The following PCSK5 variants were observed in gnomAD, a reference collection of about 807,000 sequenced individuals.
The protein encoded by PCSK5 is prohormone convertase 5.
PCSK5 carries 129 observed loss-of-function variants against 233.2 expected under a neutral mutation model. The ratio of observed to expected loss-of-function variants is 0.55; its 90% CI spans 0.48 to 0.64. The LOEUF (loss-of-function observed/expected upper bound fraction) is 0.64. Ranked by LOEUF, PCSK5 falls within the 30% of genes least tolerant of loss-of-function variation. The pLI is 0.00. For missense variants in PCSK5, 2,076 were observed against 2,430.1 expected (o/e 0.85, Z 3.06); for synonymous variants, 825 against 879.2 (o/e 0.94, Z 1.09).
At position 76,046,750 on chromosome 9, in the gene PCSK5, C is replaced by A. The variant is rs1241252365; in HGVS notation, c.632+19713C>A. 2.7e-5 allele frequency among the ~76,000 whole-genome samples: 4 copies of A among 150,738 alleles called. No homozygotes were observed. The South Asian group carries it at 8.4e-4, about 32-fold the overall frequency. On this transcript the variant is annotated intron_variant, in intron 5 of 37. Coordinates refer to ENST00000674117, the MANE Select transcript of PCSK5 (RefSeq NM_001372043.1). ...CAATTTTTTGTATTTTTAGTAGAGA[C>A]GGGGTGTCAACGTGTTAGCCAGGAT... is the stretch of plus-strand genomic sequence containing the variant.
chr9:75,968,031 G>C (rs1420958738), intron 2 of PCSK5, among the ~76,000 whole-genome samples: 1 of 152,042 alleles, frequency 6.6e-6, no homozygotes, highest in Non-Finnish European at 1.5e-5. Flanking sequence ...CAAAGTACTG[G>C]GATTACAGAC....
intron 2 of PCSK5, among the ~76,000 whole-genome samples, chr9:75,975,896 C>T (rs1279625763): frequency 6.6e-6 from 1 of 152,140 alleles, no homozygotes; most frequent in East Asian, 1.9e-4. Flanking sequence ...GTTTTTCATG[C>T]AGTGATGATT....
chr9:76,037,731 C>T (rs1828921910), intron 5 of PCSK5, among the ~76,000 whole-genome samples: 1 of 152,072 alleles, frequency 6.6e-6, no homozygotes. Flanking sequence ...CCTCCTCTTA[C>T]CCTAAGGAGG....
At chr9:76,186,393 A>G (rs1824104438) in intron 17 of PCSK5, among the ~76,000 whole-genome samples, 3 of 150,202 alleles carry the variant, frequency 2.0e-5, no homozygotes, top group African/African-American at 4.8e-5. Flanking sequence ...ATTAGTTAAA[A>G]TTAAATTAAA....
chr9:76,035,018 G>A (rs11144723), intron 5 of PCSK5, among the ~76,000 whole-genome samples: 21,896 of 152,110 alleles, frequency 0.14, 1,740 homozygotes, highest in South Asian at 0.29. Context: ...ACTTTGAGGG[G>A]CTGCATTAAT....
chr9:75,999,572 C>T (rs1027010310), intron 3 of PCSK5, among the ~76,000 whole-genome samples: 2 of 152,250 alleles, frequency 1.3e-5, no homozygotes, highest in African/African-American at 4.8e-5. Context: ...CCTTAAGGCA[C>T]AGATCACTCA....
chr9:76,144,006 TA>T (rs1358501551), intron 10 of PCSK5, among the ~76,000 whole-genome samples: 1 of 151,852 alleles, frequency 6.6e-6, no homozygotes, highest in Admixed American at 6.6e-5. Flanking sequence ...CACAAACATT[TA>T]AAGAGAGCAA....
Position 76,231,514 on chromosome 9 carries a change from G to A in PCSK5, c.2730-1946G>A, listed in dbSNP as rs192390039. 5.4e-3 allele frequency among the ~76,000 whole-genome samples: 823 copies of A among 152,214 alleles called. 7 individuals are homozygous for A. Among genetic ancestry groups the A allele is most frequent in the Non-Finnish European group, 5.3e-3 (361 of 68,010 alleles). On this transcript the variant is annotated intron_variant, in intron 21 of 37. Coordinates refer to ENST00000674117, the MANE Select transcript of PCSK5 (RefSeq NM_001372043.1). ...GAAAATAAATCCCCAGAATAAACTC[G>A]CCCCATTCTCTTTTTCAGCAGAACA...
chr9:76,152,172 A>G (rs1257213282), intron 10 of PCSK5, among the ~76,000 whole-genome samples: 4 of 152,170 alleles, frequency 2.6e-5, no homozygotes, highest in African/African-American at 7.2e-5. Context: ...CTCTCTCTCC[A>G]TAGTACTGTC....
chr9:75,954,233 A>G (rs1267887869), intron 2 of PCSK5, among the ~76,000 whole-genome samples: 1 of 152,064 alleles, frequency 6.6e-6, no homozygotes, highest in African/African-American at 2.4e-5. Context: ...TATCATCAGG[A>G]TATGTTTTTC....
chr9:76,103,673 A>G (rs1831857855), intron 8 of PCSK5, among the ~76,000 whole-genome samples: 1 of 152,198 alleles, frequency 6.6e-6, no homozygotes. Flanking sequence ...AGTGGAGTCC[A>G]AAAAACCATC....
At chr9:76,056,273 C>G (rs1199123243) in intron 5 of PCSK5, among the ~76,000 whole-genome samples, 1 of 152,230 alleles carries the variant, frequency 6.6e-6, no homozygotes, top group East Asian at 1.9e-4. Context: ...TTTGTGTGAC[C>G]TGATGTCTCT....
intron 25 of PCSK5, among the ~76,000 whole-genome samples, chr9:76,295,017 G>C (rs1207839237): frequency 6.6e-6 from 1 of 152,040 alleles, no homozygotes; most frequent in African/African-American, 2.4e-5. Flanking sequence ...AGCCAGGCAT[G>C]GTGGTGTGCA....
chr9:76,298,743 T>A (rs1828520243), intron 27 of PCSK5, among the ~76,000 whole-genome samples: 1 of 152,198 alleles, frequency 6.6e-6, no homozygotes, highest in South Asian at 2.1e-4. Flanking sequence ...GGAAAGCAGA[T>A]TGCAGTCATC....
chr9:76,188,350 T>C (rs1209122220), intron 17 of PCSK5, among the ~76,000 whole-genome samples: 1 of 152,106 alleles, frequency 6.6e-6, no homozygotes, highest in East Asian at 1.9e-4. Flanking sequence ...CCCCGAAGCC[T>C]AGCAGCGTGT....
chr9:76,189,472 G>A (rs759525683), intron 19 of PCSK5, among the ~76,000 whole-genome samples, 159 bp from the exon 20 acceptor site: 1 of 152,144 alleles, frequency 6.6e-6, no homozygotes, highest in Admixed American at 6.5e-5. Flanking sequence ...AAATCACAGT[G>A]TCTACCTGTG....
intron 2 of PCSK5, among the ~76,000 whole-genome samples, chr9:75,942,882 C>CTTTTTTTTTTTT (rs35508069): frequency 3.5e-5 from 4 of 112,934 alleles, no homozygotes; most frequent in African/African-American, 9.8e-5. Flanking sequence ...TTTTCTTCTT[C>CTTTTTTTTTTTT]TTCTTTTTTT....
chr9:75,943,517 G>A (rs1036156336), intron 2 of PCSK5, among the ~76,000 whole-genome samples: 5 of 152,128 alleles, frequency 3.3e-5, no homozygotes, highest in Non-Finnish European at 7.3e-5. Flanking sequence ...TTGAAAGGAC[G>A]TTATTTGTTA....
chr9:76,059,106 C>A (rs1829934130), intron 5 of PCSK5, among the ~76,000 whole-genome samples: 1 of 152,168 alleles, frequency 6.6e-6, no homozygotes, highest in South Asian at 2.1e-4. Flanking sequence ...TAGAATTGAG[C>A]AAGTTACACA....
Sources: gnomAD v4.1 joint callset for allele counts (sites outside exome capture counted in the v4.1 genomes callset) on GRCh38, gnomAD v4.1.1 for gene constraint, MANE v1.5 for transcripts, NCBI Gene and HGNC (gene_info 2026-07-23, HGNC 2026-07-21) for gene names.